Variants in C12orf54 observed in about 807,000 individuals in gnomAD.
The protein encoded by C12orf54 is chromosome 12 open reading frame 54, also known as uncharacterized protein C12orf54.
C12orf54 carries 24 observed loss-of-function variants against 26.4 expected under a neutral mutation model. The ratio of observed to expected loss-of-function variants is 0.91; its 90% CI spans 0.66 to 1.28. The LOEUF (loss-of-function observed/expected upper bound fraction) is 1.28. Among genes scored for constraint, C12orf54 ranks in the 50% most tolerant of loss-of-function variants. The probability of loss-of-function intolerance (pLI) is 0.00; values close to 1 mark genes in which losing one functional copy is unlikely to be tolerated. For synonymous variants in C12orf54, 54 were observed against 47.0 expected (o/e 1.15, Z -0.61); for missense variants, 154 against 150.9 (o/e 1.02, Z -0.11).
intron 8 of C12orf54, 25 bp downstream of exon 8, chr12:48,495,004 C>A: frequency 6.5e-7 from 1 of 1,540,166 alleles, no homozygotes. Context: ...CAGCCTTTCC[C>A]CTGAGCTCCA....
chr12:48,435,482 A>T, the C12orf54 span, among the ~76,000 whole-genome samples: 3 of 152,250 alleles, frequency 2.0e-5, no homozygotes, highest in African/African-American at 7.2e-5. Context: ...AGTGGAAATG[A>T]AGGAAAAAAT....
chr12:48,435,002 A>T, the C12orf54 span, among the ~76,000 whole-genome samples: 1 of 152,202 alleles, frequency 6.6e-6, no homozygotes, highest in Non-Finnish European at 1.5e-5. Context: ...CAAAGAAGTT[A>T]AAAACTTTGA....
In C12orf54 at chr12:48,483,354, C is replaced by T. The variant is rs757593084; in HGVS notation, c.58C>T (p.Gln20Ter). ...AAAGGTAGAAATGACCTCCAAGCAG[C>T]AGAGAAGGTAATGGGGCTAATGATG... The part of the protein sequence containing the change: ...EQKVEMTSKQ[Q>*]RSTSIEETMR... Residue 20 changes from glutamine to a stop codon, truncating the protein, a stop_gained, in exon 2 of 9, where the codon CAG (glutamine) becomes TAG (stop). Coordinates refer to ENST00000548364, the MANE Select transcript of C12orf54 (RefSeq NM_152319.4). LOFTEE classifies it high-confidence loss of function. 6.2e-7 allele frequency: 1 copy of T among 1,613,810 alleles called. No homozygotes were observed. The highest frequency in any genetic ancestry group is 1.7e-5 in the Admixed American group (1 of 59,996).
chr12:48,460,531 G>A, the C12orf54 span, among the ~76,000 whole-genome samples: 2 of 152,118 alleles, frequency 1.3e-5, no homozygotes, highest in East Asian at 1.9e-4. Context: ...ACTTACAAAG[G>A]TAATTACAAA....
the C12orf54 span, among the ~76,000 whole-genome samples, chr12:48,417,862 G>T: frequency 3.4e-4 from 52 of 152,194 alleles, no homozygotes; most frequent in African/African-American, 1.1e-3. Flanking sequence ...GCACTAATTT[G>T]CTTAGAATAA....
At chr12:48,471,548 T>G in the C12orf54 span, among the ~76,000 whole-genome samples, 3 of 152,206 alleles carry the variant, frequency 2.0e-5, no homozygotes, top group Non-Finnish European at 4.4e-5. Context: ...TCTGGTTTCA[T>G]TCTTCTGCAT....
the C12orf54 span, chr12:48,473,071 T>C: frequency 6.2e-7 from 1 of 1,614,072 alleles, no homozygotes; most frequent in East Asian, 2.2e-5. Flanking sequence ...GAAAAGATGT[T>C]CAAGCTCCTC....
the C12orf54 span, among the ~76,000 whole-genome samples, chr12:48,423,656 C>G: frequency 6.6e-6 from 1 of 152,074 alleles, no homozygotes; most frequent in Admixed American, 6.6e-5. Context: ...TAGCAATGTA[C>G]TTTGTTTTCT....
At chr12:48,487,599 C>T (rs1371165701) in intron 4 of C12orf54, among the ~76,000 whole-genome samples, 1 of 152,138 alleles carries the variant, frequency 6.6e-6, no homozygotes, top group African/African-American at 2.4e-5. Flanking sequence ...AAAGACCATC[C>T]TGTTGAGAAC....
the C12orf54 span, among the ~76,000 whole-genome samples, chr12:48,448,308 C>T: frequency 7.6e-4 from 116 of 152,226 alleles, no homozygotes; most frequent in Non-Finnish European, 1.8e-4. Context: ...CCCATGTATG[C>T]TTTTATATTT....
At chr12:48,438,360 A>G in the C12orf54 span, among the ~76,000 whole-genome samples, 1 of 152,244 alleles carries the variant, frequency 6.6e-6, no homozygotes, top group Non-Finnish European at 1.5e-5. Flanking sequence ...TGCCATCCCC[A>G]TCAAGCTACC....
At chr12:48,454,603 T>C in the C12orf54 span, among the ~76,000 whole-genome samples, 1 of 152,188 alleles carries the variant, frequency 6.6e-6, no homozygotes, top group Non-Finnish European at 1.5e-5. Context: ...CTCTATCTCT[T>C]TCCTTCTTTA....
intron 6 of C12orf54, among the ~76,000 whole-genome samples, chr12:48,492,533 C>A (rs1384302949): frequency 1.3e-5 from 2 of 152,206 alleles, no homozygotes; most frequent in Non-Finnish European, 2.9e-5. Flanking sequence ...GCTGCTGCTG[C>A]TTTTCCACTT....
the C12orf54 span, chr12:48,473,212 C>A: frequency 7.9e-7 from 1 of 1,263,384 alleles, no homozygotes; most frequent in Non-Finnish European, 1.2e-6. Flanking sequence ...GATGAAGATG[C>A]TCAGGTAATG....
At chr12:48,483,100 G>A (rs985607268) in intron 1 of C12orf54, 140 bp from the exon 2 acceptor site, 8 of 576,336 alleles carry the variant, frequency 1.4e-5, no homozygotes, top group Non-Finnish European at 2.2e-5. Flanking sequence ...GCACATATAT[G>A]CAAGCACACA....
At chr12:48,458,862 T>C in the C12orf54 span, among the ~76,000 whole-genome samples, 7 of 152,228 alleles carry the variant, frequency 4.6e-5, 1 homozygote, top group Middle Eastern at 0.02. Flanking sequence ...AACATTACTA[T>C]CTTACTTAGA....
At chr12:48,452,848 AG>A in the C12orf54 span, among the ~76,000 whole-genome samples, 7 of 151,890 alleles carry the variant, frequency 4.6e-5, no homozygotes, top group Non-Finnish European at 1.0e-4. Context: ...TAACAGAACT[AG>A]CAAGATTGTG....
intron 7 of C12orf54, among the ~76,000 whole-genome samples, chr12:48,494,089 GGT>G: frequency 2.1e-5 from 1 of 47,718 alleles, no homozygotes; most frequent in Non-Finnish European, 3.9e-5. Context: ...CGTGGTGGCA[GGT>G]GCCTGTAACC....
the C12orf54 span, among the ~76,000 whole-genome samples, chr12:48,470,972 C>T: frequency 6.6e-6 from 1 of 152,162 alleles, no homozygotes; most frequent in Non-Finnish European, 1.5e-5. Flanking sequence ...ACAAATAATG[C>T]AATTACACTC....
Sources: gnomAD v4.1 joint callset for allele counts (sites outside exome capture counted in the v4.1 genomes callset) on GRCh38, gnomAD v4.1.1 for gene constraint, MANE v1.5 for transcripts, NCBI Gene and HGNC (gene_info 2026-07-23, HGNC 2026-07-21) for gene names.